The following TM4SF18 variants were observed in gnomAD, a reference collection of about 807,000 sequenced individuals.
TM4SF18 encodes the protein transmembrane 4 L6 family member 18.
In TM4SF18, 22 loss-of-function variants were observed where a neutral mutation model predicts 23.8. That is an observed-to-expected ratio of 0.92 (90% CI 0.66 to 1.32). The LOEUF is 1.32. Among genes scored for constraint, TM4SF18 ranks in the 40% most tolerant of loss-of-function variants. TM4SF18 has a pLI of 0.00. For missense variants in TM4SF18, 255 were observed against 240.3 expected (o/e 1.06, Z -0.41); for synonymous variants, 87 against 87.9 (o/e 0.99, Z 0.06).
intron 2 of TM4SF18, among the ~76,000 whole-genome samples, chr3:149,331,225 T>C (rs1223849438): frequency 6.6e-6 from 1 of 152,192 alleles, no homozygotes; most frequent in Non-Finnish European, 1.5e-5. Flanking sequence ...CCAATGTTTC[T>C]AGTTTCCAAA....
At chr3:149,326,257 G>A (rs1156744737) in intron 3 of TM4SF18, among the ~76,000 whole-genome samples, 1 of 152,088 alleles carries the variant, frequency 6.6e-6, no homozygotes, top group African/African-American at 2.4e-5. Flanking sequence ...CTGTTTTTAA[G>A]AATCCCTGAC....
chr3:149,330,638 T>C (rs1167148827), intron 2 of TM4SF18, among the ~76,000 whole-genome samples: 1 of 152,204 alleles, frequency 6.6e-6, no homozygotes, highest in Non-Finnish European at 1.5e-5. Context: ...ATTTTGAGTA[T>C]AGTGGTTGAT....
intron 1 of TM4SF18, 31 bp downstream of exon 1, chr3:149,333,482 C>CTCTTTTTTTTTTTTTTTTT (rs4048749): frequency 4.9e-6 from 1 of 206,076 alleles, no homozygotes; most frequent in Non-Finnish European, 7.9e-6. Context: ...CTCTCTCTCT[C>CTCTTTTTTTTTTTTTTTTT]TTTTTTTTTT....
At chr3:149,323,294 G>T (rs1352101628) in intron 4 of TM4SF18, among the ~76,000 whole-genome samples, 1 of 152,174 alleles carries the variant, frequency 6.6e-6, no homozygotes, top group Non-Finnish European at 1.5e-5. Context: ...TTTGGAACCT[G>T]TAAAGTACAA....
At chr3:149,332,757 A>G (rs924027696) in intron 2 of TM4SF18, among the ~76,000 whole-genome samples, 1 of 152,216 alleles carries the variant, frequency 6.6e-6, no homozygotes, top group Non-Finnish European at 1.5e-5. Flanking sequence ...GGAACAAATG[A>G]CAGAGCTTAG....
chr3:149,331,684 AC>A (rs1731090574), intron 2 of TM4SF18, among the ~76,000 whole-genome samples: 2 of 152,202 alleles, frequency 1.3e-5, no homozygotes, highest in African/African-American at 4.8e-5. Flanking sequence ...TAACTGCAAT[AC>A]AGAGGAGTCA....
intron 4 of TM4SF18, among the ~76,000 whole-genome samples, chr3:149,323,428 C>T (rs1730860672): frequency 1.3e-5 from 2 of 152,172 alleles, no homozygotes; most frequent in Admixed American, 6.5e-5. Context: ...GTTCCTAGTA[C>T]ATGCTCTGCA....
chr3:149,325,932 T>C (rs892153468), intron 3 of TM4SF18, among the ~76,000 whole-genome samples: 4 of 152,192 alleles, frequency 2.6e-5, no homozygotes, highest in Non-Finnish European at 4.4e-5. Context: ...ACCATATTTG[T>C]TTGTGCTTTC....
chr3:149,331,147 A>G (rs1731077779), intron 2 of TM4SF18, among the ~76,000 whole-genome samples: 1 of 152,090 alleles, frequency 6.6e-6, no homozygotes, highest in African/African-American at 2.4e-5. Context: ...TTCTCCACCC[A>G]TTTTTTTACT....
intron 4 of TM4SF18, among the ~76,000 whole-genome samples, chr3:149,324,604 C>T (rs1275746728): frequency 6.6e-6 from 1 of 152,208 alleles, no homozygotes; most frequent in African/African-American, 2.4e-5. Flanking sequence ...CAACTTTAAT[C>T]TGAGGTATGG....
Position 149,324,962 on chromosome 3 carries a change from T to C in TM4SF18, c.328A>G (p.Ile110Val). Reference protein sequence around the residue: ...GIAFSGYCLVISALGLVQGPY... With the variant: ...GIAFSGYCLVVSALGLVQGPY... ...CCTTGGACAAGACCCAAGGCAGAGA[T>C]GACCAGGCAGTATCCAGAAAAAGCA... Residue 110 changes from isoleucine to valine, a missense_variant, in exon 4 of 6, where the codon ATC becomes GTC. Coordinates refer to ENST00000296059, the MANE Select transcript of TM4SF18 (RefSeq NM_138786.4). The C allele has an allele frequency of 1.2e-6, 2 of 1,614,106 alleles. No individual in the cohort carries two copies. The highest frequency in any genetic ancestry group is 1.7e-6 in the Non-Finnish European group (2 of 1,180,002).
intron 4 of TM4SF18, among the ~76,000 whole-genome samples, chr3:149,323,331 C>T (rs1730858460): frequency 6.6e-6 from 1 of 152,172 alleles, no homozygotes. Flanking sequence ...TGTTAAATTT[C>T]CCTAAACCTA....
At chr3:149,331,872 A>G (rs746707287) in intron 2 of TM4SF18, among the ~76,000 whole-genome samples, 8 of 152,194 alleles carry the variant, frequency 5.3e-5, no homozygotes, top group Non-Finnish European at 7.4e-5. Flanking sequence ...ACGTTGTTAC[A>G]TCTTCATAAT....
chr3:149,332,948 A>G (rs1291568740), intron 2 of TM4SF18, among the ~76,000 whole-genome samples: 1 of 152,182 alleles, frequency 6.6e-6, no homozygotes, highest in Non-Finnish European at 1.5e-5. Flanking sequence ...TACTGTTTTT[A>G]CAGGCCAGTG....
At chr3:149,325,106 C>G in intron 3 of TM4SF18, 84 bp from the exon 4 acceptor site, 1 of 1,387,086 alleles carries the variant, frequency 7.2e-7, no homozygotes, top group Admixed American at 1.9e-5. Flanking sequence ...GCTACATTCC[C>G]CTATTCACCC....
chr3:149,325,214 G>A lies in TM4SF18; in HGVS notation c.268-192C>T, dbSNP rs150033600. 4.5e-3 allele frequency among the ~76,000 whole-genome samples: 690 copies of A among 151,900 alleles called. 5 individuals carry two copies. The highest frequency in any genetic ancestry group is 0.015 in the African/African-American group (610 of 41,432). On this transcript the variant is annotated intron_variant, in intron 3 of 5. Transcript: ENST00000296059. ...TCTTAAAAATAAGCTTTTAAATAACGTTTAGTTTGGCATCACATAGAGGTA... is the reference window on the plus strand; with the variant it reads ...TCTTAAAAATAAGCTTTTAAATAACATTTAGTTTGGCATCACATAGAGGTA...
chr3:149,325,910 C>A (rs180921054), intron 3 of TM4SF18, among the ~76,000 whole-genome samples: 294 of 152,258 alleles, frequency 1.9e-3, no homozygotes, highest in African/African-American at 6.8e-3. Context: ...GAATCACCTA[C>A]ATGAATATTT....
At position 149,321,244 on chromosome 3, in the gene TM4SF18, T is replaced by C. The variant is rs1730796552; in HGVS notation, c.*234A>G. On this transcript the variant is annotated 3_prime_UTR_variant, in exon 6 of 6. Transcript: ENST00000296059. ...CTAGTACAGATTCTTGGAAATGGAT[T>C]TGTTTGATCAAAGGGCAGAAGTATT... The C allele has an allele frequency of 5.4e-6, 2 of 370,994 alleles. No individual in the cohort carries two copies. The highest frequency in any genetic ancestry group is 1.0e-5 in the Non-Finnish European group (2 of 199,730). 23.0% of individuals were successfully genotyped at this position (370,994 alleles called of 1,614,324 possible). A position where few individuals can be genotyped will look rare whatever the true frequency, so the allele number is the denominator to read the frequency against.
intron 3 of TM4SF18, among the ~76,000 whole-genome samples, chr3:149,328,955 A>G (rs1158281673): frequency 2.6e-5 from 4 of 152,208 alleles, no homozygotes; most frequent in Admixed American, 2.6e-4. Flanking sequence ...TTTGTGCTAG[A>G]AGTGCTAATA....
Sources: allele counts gnomAD v4.1 joint callset (sites outside exome capture counted in the v4.1 genomes callset), GRCh38; gene constraint gnomAD v4.1.1; transcripts MANE v1.5; gene names NCBI Gene and HGNC (gene_info 2026-07-23, HGNC 2026-07-21).